PTPRN2: variants seen among roughly 807,000 people sequenced by gnomAD.
PTPRN2 encodes receptor-type tyrosine-protein phosphatase N2.
Under a neutral mutation model 118.8 loss-of-function variants are expected in PTPRN2, and 74 were observed. That is an observed-to-expected ratio of 0.62 (90% CI 0.52 to 0.76). The LOEUF (loss-of-function observed/expected upper bound fraction) is 0.76, where lower values mean the gene tolerates loss of function less well. Among genes scored for constraint, PTPRN2 ranks in the 30% least tolerant of loss-of-function variants. The pLI, the probability that PTPRN2 is intolerant of heterozygous loss-of-function variation, is 0.00. For missense variants in PTPRN2, 1,481 were observed against 1,394.4 expected, an observed-to-expected ratio of 1.06 and a Z score of -0.99; for synonymous variants, 641 against 608.0, an observed-to-expected ratio of 1.05 and a Z score of -0.80.
intron 6 of PTPRN2, among the ~76,000 whole-genome samples, chr7:158,142,772 C>T (rs1819508978): frequency 6.6e-6 from 1 of 152,250 alleles, no homozygotes; most frequent in African/African-American, 2.4e-5. Context: ...CGCAGCAAAG[C>T]CTGCCTTCAC....
At chr7:157,855,736 G>T (rs992221004) in intron 12 of PTPRN2, among the ~76,000 whole-genome samples, 3 of 152,204 alleles carry the variant, frequency 2.0e-5, no homozygotes, top group African/African-American at 4.8e-5. Flanking sequence ...TTGGGCCCAG[G>T]GGGGCGGCGA....
At position 158,101,243 on chromosome 7, in the gene PTPRN2, C is replaced by T. The variant is rs544425078; in HGVS notation, c.1643+9586G>A. On this transcript the variant is annotated intron_variant, in intron 10 of 22. Coordinates refer to ENST00000389418, the MANE Select transcript of PTPRN2 (RefSeq NM_002847.5). ...AACTACTTAACAGCCAACTGATCTT[C>T]GATAAAGCAAACAAAAACAAAGTGG... 1.6e-4 allele frequency among the ~76,000 whole-genome samples: 25 copies of T among 152,268 alleles called. 1 individual carries two copies. The highest frequency in any genetic ancestry group is 5.3e-4 in the African/African-American group (22 of 41,556).
rs1268315631 is a variant in PTPRN2 at position 157,990,403 on chromosome 7, C to A, written c.1723+90895G>T. Among the ~76,000 whole-genome samples, 2 of 152,134 alleles carry A rather than the reference C, an allele frequency of 1.3e-5. No homozygotes were observed. Among genetic ancestry groups the A allele is most frequent in the African/African-American group, 4.8e-5 (2 of 41,440 alleles). ...TCACGGCACCTGCGCACAGGGGTGG[C>A]CTCCAGGGGCTCCAAGTCCTCTGGG... On this transcript the variant is annotated intron_variant, in intron 11 of 22. Transcript: ENST00000389418. This position sits in a 1 kb window ranked among gnomAD's most constrained non-coding sequence, Gnocchi z 4.3.
chr7:158,282,816 CCACA>C (rs1384767805), intron 3 of PTPRN2, among the ~76,000 whole-genome samples: 1 of 149,878 alleles, frequency 6.7e-6, no homozygotes, highest in Non-Finnish European at 1.5e-5. Flanking sequence ...CCTCGTGCTC[CCACA>C]CACACAGCAG....
chr7:157,662,041 G>A (rs566340044), intron 13 of PTPRN2, among the ~76,000 whole-genome samples: 2 of 152,298 alleles, frequency 1.3e-5, no homozygotes, highest in Admixed American at 1.3e-4. Context: ...TTTCCTTGAC[G>A]TCCAGGGCAG....
At chr7:158,467,529 C>A (rs1253140079) in intron 2 of PTPRN2, among the ~76,000 whole-genome samples, 1 of 152,108 alleles carries the variant, frequency 6.6e-6, no homozygotes, top group Non-Finnish European at 1.5e-5. Context: ...CTTGCCGAGA[C>A]CAATGTCAAG....
At chr7:158,161,635 G>T (rs1325105212) in intron 6 of PTPRN2, among the ~76,000 whole-genome samples, 1 of 152,130 alleles carries the variant, frequency 6.6e-6, no homozygotes. Flanking sequence ...CTCCTTAAAG[G>T]TAAGAGAGGA....
chr7:157,770,371 A>C (rs1179621105), intron 12 of PTPRN2, among the ~76,000 whole-genome samples: 1 of 152,202 alleles, frequency 6.6e-6, no homozygotes, highest in Admixed American at 6.5e-5. Context: ...CATCATGTGG[A>C]GAAACTGGAT....
At chr7:158,297,777 T>C (rs1338431968) in intron 3 of PTPRN2, among the ~76,000 whole-genome samples, 2 of 152,204 alleles carry the variant, frequency 1.3e-5, no homozygotes, top group Non-Finnish European at 2.9e-5. Context: ...AGTTATGCTG[T>C]TCCCTCACCT....
chr7:158,513,625 C>CAA (rs1823328780), intron 1 of PTPRN2, among the ~76,000 whole-genome samples: 1 of 152,108 alleles, frequency 6.6e-6, no homozygotes, highest in African/African-American at 2.4e-5. Flanking sequence ...TTATTATAGA[C>CAA]AGAGAGAGAA....
intron 2 of PTPRN2, among the ~76,000 whole-genome samples, chr7:158,341,323 C>G (rs62493628): frequency 2.1e-4 from 27 of 127,772 alleles, no homozygotes; most frequent in African/African-American, 5.9e-4. Flanking sequence ...CACCCACACA[C>G]GTCACTCACA....
intron 11 of PTPRN2, among the ~76,000 whole-genome samples, chr7:157,908,086 C>G (rs1192685112): frequency 6.6e-6 from 1 of 152,230 alleles, no homozygotes; most frequent in African/African-American, 2.4e-5. Flanking sequence ...AGGTTCTGGC[C>G]TCAGGGTGCA....
chr7:158,575,237 TC>T (rs1828260356), intron 1 of PTPRN2, among the ~76,000 whole-genome samples: 1 of 152,254 alleles, frequency 6.6e-6, no homozygotes, highest in African/African-American at 2.4e-5. Context: ...TTCTTTTTTT[TC>T]ATAGTGCTTG....
intron 8 of PTPRN2, among the ~76,000 whole-genome samples, chr7:158,134,295 C>A (rs767156885): frequency 6.6e-6 from 1 of 152,214 alleles, no homozygotes; most frequent in Admixed American, 6.5e-5. Context: ...TCCTCCCTCC[C>A]GCTCCCTCTC....
intron 2 of PTPRN2, among the ~76,000 whole-genome samples, chr7:158,371,620 C>T (rs546788169): frequency 7.2e-4 from 110 of 152,248 alleles, no homozygotes; most frequent in African/African-American, 2.6e-3. Flanking sequence ...TGCAAGTTCT[C>T]GGAAGGAAAA....
At chr7:158,241,820 AC>A (rs1795920237) in intron 3 of PTPRN2, among the ~76,000 whole-genome samples, 1 of 152,142 alleles carries the variant, frequency 6.6e-6, no homozygotes, top group Admixed American at 6.5e-5. Context: ...ACATCTTGGG[AC>A]CTTTTTTAAG....
At chr7:157,543,407 G>A (rs976241435) in intron 22 of PTPRN2, among the ~76,000 whole-genome samples, 4 of 152,262 alleles carry the variant, frequency 2.6e-5, no homozygotes, top group Admixed American at 2.6e-4. Context: ...GCCAGGTCAG[G>A]CTGTCTGGTC....
chr7:157,586,980 CTGGTGGTGCTGA>C (rs1800711033), intron 17 of PTPRN2, among the ~76,000 whole-genome samples: 1 of 152,198 alleles, frequency 6.6e-6, no homozygotes, highest in Non-Finnish European at 1.5e-5. Context: ...GGTTTGGTTG[CTGGTGGTGCTGA>C]TGGTGATGCC....
chr7:158,223,840 A>T (rs894275300), intron 3 of PTPRN2, among the ~76,000 whole-genome samples: 4 of 152,112 alleles, frequency 2.6e-5, no homozygotes, highest in Non-Finnish European at 5.9e-5. Flanking sequence ...AAAAAAAAAT[A>T]AAAGATATGC....
Sources: allele counts gnomAD v4.1 joint callset (sites outside exome capture counted in the v4.1 genomes callset), GRCh38; gene constraint gnomAD v4.1.1; non-coding constraint Gnocchi (gnomAD v3.1); transcripts MANE v1.5; gene names NCBI Gene and HGNC (gene_info 2026-07-23, HGNC 2026-07-21).